Variants in NEBL observed in about 807,000 individuals in gnomAD.
The protein encoded by NEBL is nebulette.
Under a neutral mutation model 140.2 loss-of-function variants are expected in NEBL, and 122 were observed. The observed-to-expected ratio is 0.87, with a 90% CI of 0.75 to 1.01. The LOEUF (loss-of-function observed/expected upper bound fraction) is 1.01, where lower values mean the gene tolerates loss of function less well. NEBL is among the 50% of genes least tolerant of loss of function. The pLI is 0.00. For synonymous variants in NEBL, 436 were observed against 398.9 expected (o/e 1.09, Z -1.11); for missense variants, 1,365 against 1,231.3 (o/e 1.11, Z -1.62).
intron 3 of NEBL, among the ~76,000 whole-genome samples, chr10:21,229,421 A>G (rs1219010048): frequency 6.6e-6 from 1 of 152,200 alleles, no homozygotes; most frequent in Non-Finnish European, 1.5e-5. Flanking sequence ...ACCCTGTCTC[A>G]GAAAAAAGTG....
intron 4 of NEBL, among the ~76,000 whole-genome samples, chr10:20,958,937 C>A (rs1232738372): frequency 6.6e-6 from 1 of 152,134 alleles, no homozygotes; most frequent in Non-Finnish European, 1.5e-5. Flanking sequence ...CAAATGATTT[C>A]AAATCCTCAA....
intron 2 of NEBL, among the ~76,000 whole-genome samples, chr10:21,023,387 C>T (rs1838880091): frequency 6.6e-6 from 1 of 152,138 alleles, no homozygotes; most frequent in South Asian, 2.1e-4. Context: ...CTTCTTCTGC[C>T]ATTTACCTTT....
At position 20,868,698 on chromosome 10, in the gene NEBL, T is replaced by G. The variant is rs755291598; in HGVS notation, c.650A>C (p.Glu217Ala). Residue 217 changes from glutamate to alanine, a missense_variant, in exon 7 of 28, where the codon GAA (glutamate) becomes GCA (alanine). Physicochemically the swap from Glu to Ala is moderately radical, Grantham distance 107. This residue lies in a region of NEBL where 1,323 missense variants were observed against 1,154.8 expected (regional missense o/e 1.15). Transcript: ENST00000377122. Reference sequence around the variant, plus strand: ...AAGTTTAGAAGCTTCCACGGCATGTTCAAAATCTGGTCTTCCAATTACAGC... The same window carrying G: ...AAGTTTAGAAGCTTCCACGGCATGTGCAAAATCTGGTCTTCCAATTACAGC... ...EPAVIGRPDF[E>A]HAVEASKLSS... The G allele has an allele frequency of 1.9e-6, 3 of 1,612,808 alleles. No individual in the cohort carries two copies. Among genetic ancestry groups the G allele is most frequent in the Non-Finnish European group, 2.5e-6 (3 of 1,178,920 alleles).
At chr10:21,120,393 C>CATATAT (rs1201775144) in intron 2 of NEBL, among the ~76,000 whole-genome samples, 939 of 59,482 alleles carry the variant, frequency 0.016, 26 homozygotes, top group East Asian at 0.031. Context: ...AAAAAAAATA[C>CATATAT]ATATATATAT....
intron 3 of NEBL, among the ~76,000 whole-genome samples, chr10:21,014,509 T>C (rs1487737788): frequency 2.0e-5 from 3 of 152,230 alleles, no homozygotes; most frequent in Non-Finnish European, 4.4e-5. Context: ...TCTCCAATTA[T>C]CTTTGGACAG....
At chr10:21,178,471 G>T (rs968914444), upstream of NEBL, among the ~76,000 whole-genome samples, 2 of 152,198 alleles carry the variant, frequency 1.3e-5, no homozygotes, top group African/African-American at 2.4e-5. Flanking sequence ...ACACCGGGAA[G>T]TCAGGAAAAG....
At chr10:21,047,813 C>T (rs1201798061) in intron 2 of NEBL, among the ~76,000 whole-genome samples, 2 of 152,184 alleles carry the variant, frequency 1.3e-5, no homozygotes, top group Non-Finnish European at 2.9e-5. Flanking sequence ...TTAAAAGCAA[C>T]CGGAATCTTC....
At chr10:21,087,197 C>T (rs1440233533) in intron 2 of NEBL, among the ~76,000 whole-genome samples, 5 of 152,186 alleles carry the variant, frequency 3.3e-5, no homozygotes, top group African/African-American at 7.2e-5. Context: ...AGACCCCCCA[C>T]CAATGATTAG....
At chr10:20,938,751 A>C (rs1471509530) in intron 4 of NEBL, among the ~76,000 whole-genome samples, 1 of 152,234 alleles carries the variant, frequency 6.6e-6, no homozygotes, top group Admixed American at 6.5e-5. Flanking sequence ...AAAGGACCTG[A>C]TGGAGCTGAA....
intron 2 of NEBL, among the ~76,000 whole-genome samples, chr10:21,135,211 CT>C (rs1228385292): frequency 5.3e-5 from 8 of 152,182 alleles, no homozygotes; most frequent in Non-Finnish European, 1.2e-4. Flanking sequence ...ACACATTTTC[CT>C]CTTCCAAACT....
At chr10:21,048,882 G>A (rs184800658) in intron 2 of NEBL, among the ~76,000 whole-genome samples, 170 of 152,228 alleles carry the variant, frequency 1.1e-3, no homozygotes, top group African/African-American at 3.9e-3. Context: ...GGTGGCAGGT[G>A]CCTGTAATCC....
At chr10:21,009,570 C>T (rs1307532619) in intron 3 of NEBL, among the ~76,000 whole-genome samples, 2 of 152,182 alleles carry the variant, frequency 1.3e-5, no homozygotes, top group Admixed American at 6.5e-5. Flanking sequence ...ATTCTAATTG[C>T]TCTCTTCCAA....
At chr10:21,244,445 A>G (rs1842489697) in intron 3 of NEBL, among the ~76,000 whole-genome samples, 1 of 151,896 alleles carries the variant, frequency 6.6e-6, no homozygotes, top group Non-Finnish European at 1.5e-5. Context: ...TGAGGTCAGG[A>G]GTTCAAGACC....
At chr10:20,986,765 A>T (rs1837272861) in intron 3 of NEBL, among the ~76,000 whole-genome samples, 1 of 152,248 alleles carries the variant, frequency 6.6e-6, no homozygotes. Flanking sequence ...TCTATGATAG[A>T]TCCTAAATAA....
In NEBL at chr10:21,123,812, TC is replaced by T. The variant is rs374319299; in HGVS notation, c.164+48570del. Among the ~76,000 whole-genome samples the T allele has an allele frequency of 1.6e-4, 24 of 150,902 alleles. No homozygotes were observed. In the South Asian group the frequency reaches 4.2e-3, roughly 26 times the overall value. On this transcript the variant is annotated intron_variant, in intron 2 of 6. Coordinates refer to the NEBL transcript ENST00000417816. ...ATATATTATATAAATATACATAATCTCCAATTGGTTGTATATGTATATGTAT... is the reference window on the plus strand; with the variant it reads ...ATATATTATATAAATATACATAATCTCAATTGGTTGTATATGTATATGTAT...
chr10:20,974,954 A>G (rs924553906), intron 3 of NEBL, among the ~76,000 whole-genome samples: 1 of 152,202 alleles, frequency 6.6e-6, no homozygotes, highest in Non-Finnish European at 1.5e-5. Flanking sequence ...TTCATCTATT[A>G]TCTTGATTGT....
intron 4 of NEBL, among the ~76,000 whole-genome samples, chr10:20,942,346 C>G (rs1834917606): frequency 6.6e-6 from 1 of 152,088 alleles, no homozygotes. Context: ...GGAAACGATT[C>G]CCTATTTAAT....
chr10:20,854,895 GT>G (rs1179387403), intron 9 of NEBL, among the ~76,000 whole-genome samples: 1 of 152,016 alleles, frequency 6.6e-6, no homozygotes, highest in Non-Finnish European at 1.5e-5. Context: ...AAGGAAACAA[GT>G]TATAAATTTT....
At chr10:20,897,056 A>G in intron 1 of NEBL, 27 bp from the exon 2 acceptor site, 2 of 1,609,394 alleles carry the variant, frequency 1.2e-6, no homozygotes, top group Non-Finnish European at 1.7e-6. Flanking sequence ...AAAAGAACAG[A>G]AAGAACATTT....
Sources: allele counts gnomAD v4.1 joint callset (sites outside exome capture counted in the v4.1 genomes callset), GRCh38; gene constraint gnomAD v4.1.1; regional missense constraint gnomAD v4.1.1; transcripts MANE v1.5; gene names NCBI Gene and HGNC (gene_info 2026-07-23, HGNC 2026-07-21).